PCDHA2: variants seen among roughly 807,000 people sequenced by gnomAD.
PCDHA2 encodes the protein protocadherin alpha-2.
In PCDHA2, 58 loss-of-function variants were observed where a neutral mutation model predicts 66.0. That is an observed-to-expected ratio of 0.88 (90% CI 0.71 to 1.09). The LOEUF (loss-of-function observed/expected upper bound fraction) is 1.09, where lower values mean the gene tolerates loss of function less well. Ranked by LOEUF, PCDHA2 falls within the 50% of genes least tolerant of loss-of-function variation. PCDHA2 has a pLI of 0.00. For synonymous variants in PCDHA2, 634 were observed against 554.0 expected (o/e 1.14, Z -2.03); for missense variants, 1,267 against 1,242.3 (o/e 1.02, Z -0.30).
intron 1 of PCDHA2, chr5:140,841,973 G>T (rs2150326625): frequency 4.8e-5 from 77 of 1,613,744 alleles, no homozygotes; most frequent in Non-Finnish European, 6.3e-5. Flanking sequence ...CACAGATGGG[G>T]GCAAACCTGA....
At chr5:140,886,690 G>T (rs1321168089) in intron 1 of PCDHA2, among the ~76,000 whole-genome samples, 3 of 151,964 alleles carry the variant, frequency 2.0e-5, no homozygotes, top group African/African-American at 7.2e-5. Flanking sequence ...GCGAGGCATG[G>T]TGGCACGCGC....
intron 1 of PCDHA2, chr5:140,803,008 A>G: frequency 6.2e-7 from 1 of 1,613,998 alleles, no homozygotes. Context: ...TCAGGCTACA[A>G]CGCGTGGCTT....
intron 1 of PCDHA2, chr5:140,850,718 TTCTAGCGCGGTGGGGAGTTGGTCGTAC>T (rs2041783529): frequency 1.3e-6 from 2 of 1,597,556 alleles, no homozygotes; most frequent in African/African-American, 2.7e-5. Flanking sequence ...CGCTGGTGTG[TTCTAGCGCGGTGGGGAGTTGGTCGTAC>T]TCGCAGCAGA....
Position 141,009,983 on chromosome 5 carries a change from G to A in PCDHA2, c.*46G>A, listed in dbSNP as rs1554262629. The A allele has an allele frequency of 1.9e-6, 3 of 1,581,862 alleles. No homozygotes were observed. Among genetic ancestry groups the A allele is most frequent in the Non-Finnish European group, 2.6e-6 (3 of 1,167,526 alleles). On this transcript the variant is annotated 3_prime_UTR_variant, in exon 4 of 4. Coordinates refer to ENST00000526136, the MANE Select transcript of PCDHA2 (RefSeq NM_018905.3). ...CCACTTAGCCAGTTTTTGTAATAAT[G>A]GCAAATCTCTCCCATGTAGCAATTC...
rs116743674 is a variant in PCDHA2, at chr5:140,927,144, A to G, written c.2389-51805A>G. On this transcript the variant is annotated intron_variant, in intron 1 of 3. Transcript: ENST00000526136. ...TGGTCAGAGAGCCGGCGGACCGCGA[A>G]CAGCTGTGCAGGGCCAAAGCTGCCT... 3.2e-3 allele frequency: 5,191 copies of G among 1,614,096 alleles called. 26 individuals are homozygous for G. The highest frequency in any genetic ancestry group is 0.019 in the African/African-American group (1,449 of 75,034).
chr5:140,876,261 A>G (rs2056242888), intron 1 of PCDHA2: 9 of 1,613,942 alleles, frequency 5.6e-6, no homozygotes, highest in Non-Finnish European at 7.6e-6. Context: ...GAGTGATCCA[A>G]CTAAATGCTT....
Position 140,857,147 on chromosome 5 carries a change from G to A in PCDHA2, c.2388+59795G>A, listed in dbSNP as rs145115378. 1.4e-4 allele frequency: 222 copies of A among 1,598,286 alleles called. 15 individuals carry two copies. The African/African-American group carries it at 2.2e-3, about 15-fold the overall frequency. ...GAAAGAAGATGCTCAAGTGGGCACC[G>A]TCATTGCCCTAATCAGCGTTTCTGA... On this transcript the variant is annotated intron_variant, in intron 1 of 3. Coordinates refer to ENST00000526136, the MANE Select transcript of PCDHA2 (RefSeq NM_018905.3).
intron 3 of PCDHA2, among the ~76,000 whole-genome samples, chr5:140,999,639 T>C (rs1554256919): frequency 6.6e-6 from 1 of 152,144 alleles, no homozygotes; most frequent in African/African-American, 2.4e-5. Context: ...TAGAGAAAAC[T>C]GTGCAGCCTG....
chr5:140,796,673 C>T lies in PCDHA2; in HGVS notation c.1709C>T (p.Ala570Val), dbSNP rs1762120901. ...GCGCCGGCACTGTTGGCGCCTAGGG[C>T]TGGCACCGCTGCTGGCGCAGTGAGT... The part of the protein sequence containing the change: ...DNAPALLAPR[A>V]GTAAGAVSEL... Residue 570 changes from alanine (A) to valine (V), a missense_variant, in exon 1 of 4, where the codon GCT becomes GTT. Transcript: ENST00000526136. The T allele has an allele frequency of 6.2e-7, 1 of 1,613,784 alleles. No homozygotes were observed. Among genetic ancestry groups the T allele is most frequent in the African/African-American group, 1.3e-5 (1 of 74,950 alleles).
chr5:140,887,801 G>T (rs1377550372), intron 1 of PCDHA2, among the ~76,000 whole-genome samples: 1 of 151,856 alleles, frequency 6.6e-6, no homozygotes, highest in Non-Finnish European at 1.5e-5. Context: ...CTTTATTTTT[G>T]TCCATTTCTT....
In PCDHA2 at chr5:140,802,535, C is replaced by T. The variant is rs114741177; in HGVS notation, c.2388+5183C>T. Reference sequence around the variant, plus strand: ...CGGCCAGCGTGTCCGTGGAGGTGGCCGACGTGAACGACAATGCGCCGGCAT... The same window carrying T: ...CGGCCAGCGTGTCCGTGGAGGTGGCTGACGTGAACGACAATGCGCCGGCAT... On this transcript the variant is annotated intron_variant, in intron 1 of 3. Coordinates refer to ENST00000526136, the MANE Select transcript of PCDHA2 (RefSeq NM_018905.3). 6,269 of 1,614,142 alleles carry T rather than the reference C, an allele frequency of 3.9e-3. 13 individuals are homozygous for T. The highest frequency in any genetic ancestry group is 4.8e-3 in the Non-Finnish European group (5,638 of 1,180,054).
intron 1 of PCDHA2, among the ~76,000 whole-genome samples, chr5:140,819,274 A>G (rs1207712720): frequency 1.3e-5 from 2 of 152,218 alleles, no homozygotes; most frequent in East Asian, 1.9e-4. Flanking sequence ...TTCTATAGAT[A>G]AGAGAAGAAA....
At position 140,928,265 on chromosome 5, in the gene PCDHA2, A is replaced by G. The variant is rs1208273188; in HGVS notation, c.2389-50684A>G. ...CAGGAACTTTTCGTTGCTGAAAACA[A>G]TGGCCCTGGGGCCTCTCTAGGCCGA... On this transcript the variant is annotated intron_variant, in intron 1 of 3. Coordinates refer to ENST00000526136, the MANE Select transcript of PCDHA2 (RefSeq NM_018905.3). The G allele has an allele frequency of 3.1e-6, 5 of 1,614,188 alleles. No individual in the cohort carries two copies. In the South Asian group the frequency reaches 3.3e-5, roughly 11 times the overall value.
At chr5:140,938,897 G>T (rs72800999) in intron 1 of PCDHA2, among the ~76,000 whole-genome samples, 1 of 151,198 alleles carries the variant, frequency 6.6e-6, no homozygotes, top group East Asian at 1.9e-4. Context: ...ACACAGATGC[G>T]CACACACACA....
At chr5:140,842,920 C>A (rs2150347865) in intron 1 of PCDHA2, 1 of 1,594,422 alleles carries the variant, frequency 6.3e-7, no homozygotes, top group Admixed American at 1.7e-5. Flanking sequence ...TGCTGCAGTT[C>A]CAGGTGAGCG....
intron 1 of PCDHA2, among the ~76,000 whole-genome samples, chr5:140,974,327 G>A (rs2096622889): frequency 6.6e-6 from 1 of 152,194 alleles, no homozygotes; most frequent in African/African-American, 2.4e-5. Context: ...TAGCTGCTGT[G>A]CTAGCAGGCT....
Position 140,926,391 on chromosome 5 carries a change from A to T in PCDHA2, c.2389-52558A>T, listed in dbSNP as rs76822698. On this transcript the variant is annotated intron_variant, in intron 1 of 3. Coordinates refer to ENST00000526136, the MANE Select transcript of PCDHA2 (RefSeq NM_018905.3). ...AGGAAGAGCCCAGCTGGGCTCAGCCACAGTTATCAGCAATCTGCGGGCAGA... is the reference window on the plus strand; with the variant it reads ...AGGAAGAGCCCAGCTGGGCTCAGCCTCAGTTATCAGCAATCTGCGGGCAGA... 1,228 of 152,462 alleles carry T rather than the reference A, an allele frequency of 8.1e-3. 5 individuals carry two copies. The highest frequency in any genetic ancestry group is 0.019 in the African/African-American group (792 of 41,554). The allele number at this position is 152,462 out of a possible 1,614,324, so 9.4% of individuals were successfully genotyped here.
intron 1 of PCDHA2, among the ~76,000 whole-genome samples, chr5:140,907,664 T>G (rs2073522534): frequency 6.6e-6 from 1 of 152,216 alleles, no homozygotes; most frequent in Non-Finnish European, 1.5e-5. Context: ...CAGCAGTGGC[T>G]GTAGCCAGGT....
chr5:140,812,616 C>T (rs181748879), intron 1 of PCDHA2: 1 of 151,802 alleles, frequency 6.6e-6, no homozygotes. Flanking sequence ...TTTACAACTC[C>T]CTTCTTTGTT....
Sources: gnomAD v4.1 joint callset for allele counts (sites outside exome capture counted in the v4.1 genomes callset) on GRCh38, gnomAD v4.1.1 for gene constraint, MANE v1.5 for transcripts, NCBI Gene and HGNC (gene_info 2026-07-23, HGNC 2026-07-21) for gene names.